PCCA: variants seen among roughly 807,000 people sequenced by gnomAD.
The protein encoded by PCCA is propionyl-CoA carboxylase alpha chain, mitochondrial.
A neutral mutation model predicts 101.3 loss-of-function variants in PCCA; 74 were observed. The ratio of observed to expected loss-of-function variants is 0.73; its 90% CI spans 0.61 to 0.89. The LOEUF is 0.89. Among genes scored for constraint, PCCA ranks in the 40% least tolerant of loss-of-function variants. The probability of loss-of-function intolerance (pLI) is 0.00; values close to 1 mark genes in which losing one functional copy is unlikely to be tolerated. For missense variants in PCCA, 891 were observed against 907.0 expected (o/e 0.98, Z 0.23); for synonymous variants, 294 against 313.6 (o/e 0.94, Z 0.66).
chr13:100,401,413 T>G (rs1462407602), intron 19 of PCCA, among the ~76,000 whole-genome samples: 1 of 152,040 alleles, frequency 6.6e-6, no homozygotes, highest in Non-Finnish European at 1.5e-5. Flanking sequence ...CTGGCTAATT[T>G]TTGTATTTTT....
rs576550664 is a variant in PCCA at position 100,226,087 on chromosome 13, G to A, written c.601-9755G>A. On this transcript the variant is annotated intron_variant, in intron 7 of 23. Transcript: ENST00000376285. Reference sequence around the variant, plus strand: ...ATTGCAGGCATGAGCCACTGTGCCCGGCCGAAAGATTTGGAAGTATATTAA... The same window carrying A: ...ATTGCAGGCATGAGCCACTGTGCCCAGCCGAAAGATTTGGAAGTATATTAA... Among the ~76,000 whole-genome samples, 199 of 152,194 alleles carry A rather than the reference G, an allele frequency of 1.3e-3. 1 individual carries two copies. Among genetic ancestry groups the A allele is most frequent in the South Asian group, 7.5e-3 (36 of 4,808 alleles).
chr13:100,354,944 T>C (rs1405626571), intron 18 of PCCA, among the ~76,000 whole-genome samples: 1 of 152,116 alleles, frequency 6.6e-6, no homozygotes. Context: ...CACAAACTCT[T>C]CCAAAATCCC....
intron 21 of PCCA, among the ~76,000 whole-genome samples, chr13:100,461,887 A>G (rs572729438): frequency 1.3e-5 from 2 of 152,198 alleles, no homozygotes; most frequent in Non-Finnish European, 2.9e-5. Flanking sequence ...AGTATCTGGC[A>G]TAGAAACCAG....
At chr13:100,481,229 C>A (rs1369747179) in intron 21 of PCCA, 1 of 152,080 alleles carries the variant, frequency 6.6e-6, no homozygotes, top group Non-Finnish European at 1.5e-5. Flanking sequence ...TTGCCAGCAT[C>A]ATACTCTTGG....
intron 18 of PCCA, among the ~76,000 whole-genome samples, chr13:100,362,094 G>T (rs1350688098): frequency 6.6e-6 from 1 of 152,104 alleles, no homozygotes; most frequent in African/African-American, 2.4e-5. Flanking sequence ...CAACAACATG[G>T]ATGGATGCAC....
Position 100,530,271 on chromosome 13 carries a change from ACGTTT to A in PCCA, c.*106_*110del. 1 of 916,002 alleles carries A rather than the reference ACGTTT, an allele frequency of 1.1e-6. No individual in the cohort carries two copies. The highest frequency in any genetic ancestry group is 1.6e-5 in the African/African-American group (1 of 61,770). The allele number at this position is 916,002 out of a possible 1,614,324, so 56.7% of individuals were successfully genotyped here. A position where few individuals can be genotyped will look rare whatever the true frequency, so the allele number is the denominator to read the frequency against. On this transcript the variant is annotated 3_prime_UTR_variant, in exon 24 of 24. Coordinates refer to ENST00000376285, the MANE Select transcript of PCCA (RefSeq NM_000282.4). ...TATACAGGAACACCCCTGTGCAGCT[ACGTTT>A]ACGTCGTCATTTATTCCACAGAGTC...
chr13:100,207,631 C>T (rs571400603), intron 6 of PCCA, among the ~76,000 whole-genome samples: 1 of 151,980 alleles, frequency 6.6e-6, no homozygotes, highest in Non-Finnish European at 1.5e-5. Context: ...CTGCCCTCCT[C>T]GGCCTCCCAA....
chr13:100,162,322 T>C (rs1161438795), intron 6 of PCCA, among the ~76,000 whole-genome samples: 1 of 152,164 alleles, frequency 6.6e-6, no homozygotes, highest in Non-Finnish European at 1.5e-5. Context: ...TATGATGTAT[T>C]CTTATTTTTA....
chr13:100,385,214 C>A (rs987675473), intron 19 of PCCA, among the ~76,000 whole-genome samples: 1 of 152,032 alleles, frequency 6.6e-6, no homozygotes, highest in African/African-American at 2.4e-5. Flanking sequence ...TTGGCAAGAA[C>A]TTTTTCCTTG....
intron 12 of PCCA, among the ~76,000 whole-genome samples, chr13:100,299,257 G>T (rs1341468127): frequency 6.6e-6 from 1 of 152,128 alleles, no homozygotes; most frequent in Non-Finnish European, 1.5e-5. Context: ...TCCACTTTTG[G>T]ATCCCATTCA....
Position 100,262,711 on chromosome 13 carries a change from T to C in PCCA, c.717-18T>C. 1 of 1,171,722 alleles carries C rather than the reference T, an allele frequency of 8.5e-7. No homozygotes were observed. Among genetic ancestry groups the C allele is most frequent in the Non-Finnish European group, 1.3e-6 (1 of 795,758 alleles). The allele number at this position is 1,171,722 out of a possible 1,614,324, so 72.6% of individuals were successfully genotyped here. On this transcript the variant is annotated intron_variant, in intron 9 of 23. Transcript: ENST00000376285. ...CTCCCTCTCCCCCCCTCCTCCTTCT[T>C]CCTTCTTTTTTTCACAGGGATGGTT...
chr13:100,377,522 T>C (rs1455183329), intron 19 of PCCA, among the ~76,000 whole-genome samples: 1 of 151,938 alleles, frequency 6.6e-6, no homozygotes, highest in East Asian at 1.9e-4. Flanking sequence ...TGAGACAGAG[T>C]CTCGCTCTGT....
At chr13:100,386,873 A>T (rs2076538323) in intron 19 of PCCA, among the ~76,000 whole-genome samples, 1 of 152,154 alleles carries the variant, frequency 6.6e-6, no homozygotes, top group Non-Finnish European at 1.5e-5. Context: ...CATCTCTTAG[A>T]TCATATCTTT....
intron 18 of PCCA, among the ~76,000 whole-genome samples, chr13:100,343,383 A>G (rs2071687982): frequency 6.6e-6 from 1 of 152,220 alleles, no homozygotes; most frequent in African/African-American, 2.4e-5. Flanking sequence ...ATATGCATCA[A>G]GTAATGAGTG....
intron 10 of PCCA, 64 bp from the exon 11 acceptor site, chr13:100,268,625 T>C: frequency 8.8e-7 from 1 of 1,142,108 alleles, no homozygotes; most frequent in Non-Finnish European, 1.3e-6. Flanking sequence ...ATGCGGAAAA[T>C]ATTAACCATC....
At chr13:100,327,952 G>A (rs1387902729) in intron 16 of PCCA, among the ~76,000 whole-genome samples, 2 of 152,140 alleles carry the variant, frequency 1.3e-5, no homozygotes, top group Admixed American at 6.5e-5. Context: ...GGCCAGACAC[G>A]GTGGCTTATG....
intron 6 of PCCA, among the ~76,000 whole-genome samples, chr13:100,204,176 C>G (rs1398918569): frequency 2.0e-5 from 3 of 150,856 alleles, no homozygotes; most frequent in Non-Finnish European, 4.4e-5. Context: ...GTCATCCAGG[C>G]TGGAGTGCAG....
chr13:100,332,127 C>T (rs1331374955), intron 17 of PCCA, among the ~76,000 whole-genome samples: 2 of 151,906 alleles, frequency 1.3e-5, no homozygotes, highest in Admixed American at 6.6e-5. Flanking sequence ...TTAGTAGAAA[C>T]GGGGTTTCAC....
intron 19 of PCCA, among the ~76,000 whole-genome samples, chr13:100,395,318 C>A (rs2076993776): frequency 1.3e-5 from 2 of 152,210 alleles, no homozygotes. Context: ...TTAGCCATAA[C>A]TGATCTTTTC....
Sources: allele counts gnomAD v4.1 joint callset (sites outside exome capture counted in the v4.1 genomes callset), GRCh38; gene constraint gnomAD v4.1.1; transcripts MANE v1.5; gene names NCBI Gene and HGNC (gene_info 2026-07-23, HGNC 2026-07-21).